The following KCNJ15 variants were observed in gnomAD, a reference collection of about 807,000 sequenced individuals.
The protein encoded by KCNJ15 is ATP-sensitive inward rectifier potassium channel 15.
In KCNJ15, 14 loss-of-function variants were observed where a neutral mutation model predicts 23.0. The ratio of observed to expected loss-of-function variants is 0.61; its 90% CI spans 0.40 to 0.95. The LOEUF (loss-of-function observed/expected upper bound fraction) is 0.95, where lower values mean the gene tolerates loss of function less well. KCNJ15 is among the 40% of genes least tolerant of loss of function. The pLI is 0.00. For synonymous variants in KCNJ15, 185 were observed against 183.2 expected (o/e 1.01, Z -0.08); for missense variants, 388 against 461.8 (o/e 0.84, Z 1.46).
At chr21:38,281,887 A>G (rs1422689654) in intron 1 of KCNJ15, among the ~76,000 whole-genome samples, 1 of 152,168 alleles carries the variant, frequency 6.6e-6, no homozygotes, top group Non-Finnish European at 1.5e-5. Flanking sequence ...ATTTCCATCA[A>G]TAGTGTAGAA....
intron 1 of KCNJ15, among the ~76,000 whole-genome samples, chr21:38,239,797 A>C (rs1234754352): frequency 6.6e-6 from 1 of 152,252 alleles, no homozygotes; most frequent in Non-Finnish European, 1.5e-5. Context: ...AGTAAAGTAG[A>C]AAACATTTAT....
chr21:38,242,391 C>T (rs1027029709), intron 1 of KCNJ15, among the ~76,000 whole-genome samples: 14 of 152,116 alleles, frequency 9.2e-5, no homozygotes, highest in African/African-American at 1.7e-4. Flanking sequence ...AGATTGCACA[C>T]GGGGCTATAT....
At chr21:38,268,594 T>C (rs1981739817) in intron 1 of KCNJ15, among the ~76,000 whole-genome samples, 1 of 89,660 alleles carries the variant, frequency 1.1e-5, no homozygotes, top group African/African-American at 4.0e-5. Flanking sequence ...GGGAGGAGAG[T>C]GAGAAAAAGC....
upstream of KCNJ15, among the ~76,000 whole-genome samples, chr21:38,254,785 C>T (rs934058767): frequency 6.6e-5 from 10 of 152,142 alleles, no homozygotes; most frequent in African/African-American, 2.2e-4. Flanking sequence ...ATCATGCCTA[C>T]ATTTTGATCT....
At chr21:38,271,181 C>T (rs775684990) in intron 1 of KCNJ15, among the ~76,000 whole-genome samples, 47 of 152,324 alleles carry the variant, frequency 3.1e-4, no homozygotes, top group East Asian at 5.8e-4. Context: ...GAGTCTAGTC[C>T]GTCTCTCTGT....
Position 38,306,126 on chromosome 21 carries a change from A to G in KCNJ15, c.*5737A>G, listed in dbSNP as rs2050844658. ...TGCAGAATTAGGCTGATGGTTTTACAAAAGAGTCCTCCTAAAAGTCCATCA... is the reference window on the plus strand; with the variant it reads ...TGCAGAATTAGGCTGATGGTTTTACGAAAGAGTCCTCCTAAAAGTCCATCA... On this transcript the variant is annotated 3_prime_UTR_variant, in exon 3 of 3. Coordinates refer to ENST00000398938, the MANE Select transcript of KCNJ15 (RefSeq NM_170736.3). 1 of 152,236 alleles carries G rather than the reference A, an allele frequency of 6.6e-6. No homozygotes were observed. Among genetic ancestry groups the G allele is most frequent in the African/African-American group, 2.4e-5 (1 of 41,470 alleles). 9.4% of individuals were successfully genotyped at this position (152,236 alleles called of 1,614,324 possible). A position where few individuals can be genotyped will look rare whatever the true frequency, so the allele number is the denominator to read the frequency against.
intron 1 of KCNJ15, chr21:38,272,546 C>T (rs538012042): frequency 6.6e-6 from 1 of 152,358 alleles, no homozygotes; most frequent in East Asian, 1.9e-4. Flanking sequence ...GGCCCCAGCA[C>T]CTGGACTCAA....
chr21:38,231,780 A>G (rs1209523785), intron 1 of KCNJ15, among the ~76,000 whole-genome samples: 1 of 151,162 alleles, frequency 6.6e-6, no homozygotes, highest in Non-Finnish European at 1.5e-5. Context: ...GGTTTTTTGG[A>G]TGTTAGACCA....
At chr21:38,238,693 A>G in intron 1 of KCNJ15, 1 of 462,852 alleles carries the variant, frequency 2.2e-6, no homozygotes, top group Non-Finnish European at 4.1e-6. Context: ...AAACTCTAGG[A>G]GGAATGTCCT....
intron 1 of KCNJ15, among the ~76,000 whole-genome samples, chr21:38,244,591 G>A (rs948065721): frequency 6.6e-6 from 1 of 152,150 alleles, no homozygotes; most frequent in Non-Finnish European, 1.5e-5. Context: ...GTGCCTGACA[G>A]GAGAGGACAC....
Position 38,299,423 on chromosome 21 carries a change from G to A in KCNJ15, c.162G>A (p.Leu54=), listed in dbSNP as rs75665360. The change falls in exon 3 of 3, where the codon CTG becomes CTA. Residue 54 remains leucine, a synonymous_variant. Coordinates refer to ENST00000398938, the MANE Select transcript of KCNJ15 (RefSeq NM_170736.3). The surrounding 1 kb of genome is among the most constrained non-coding windows in gnomAD (Gnocchi z 4.5). ...TATACCTACTCTACCTGCAAGACCT[G>A]TGGACCACAGTTATCGACATGAAGT... ...DGIYLLYLQD[L]WTTVIDMKWR... is the part of the protein sequence containing the mutation. The A allele has an allele frequency of 1.7e-5, 27 of 1,614,190 alleles. No individual in the cohort carries two copies. In the East Asian group the frequency reaches 6.0e-4, roughly 36 times the overall value.
chr21:38,241,790 A>T (rs937422259), intron 1 of KCNJ15, among the ~76,000 whole-genome samples: 1 of 151,910 alleles, frequency 6.6e-6, no homozygotes, highest in Non-Finnish European at 1.5e-5. Context: ...AACATGGTGA[A>T]ACCCCGTCTC....
upstream of KCNJ15, chr21:38,256,720 G>T (rs1440912946): frequency 6.6e-6 from 1 of 152,130 alleles, no homozygotes; most frequent in Non-Finnish European, 1.5e-5. Flanking sequence ...TCTTTAAAAA[G>T]GCATCAGTTT....
intron 1 of KCNJ15, among the ~76,000 whole-genome samples, chr21:38,262,020 CAAT>C (rs1232117858): frequency 6.6e-6 from 1 of 152,198 alleles, no homozygotes; most frequent in African/African-American, 2.4e-5. Context: ...TGTTCTCACT[CAAT>C]GATGTTTACA....
At chr21:38,252,209 A>C (rs1979884704), upstream of KCNJ15, among the ~76,000 whole-genome samples, 1 of 152,096 alleles carries the variant, frequency 6.6e-6, no homozygotes, top group African/African-American at 2.4e-5. Context: ...AATAATCTTT[A>C]ATTATTTGCT....
At chr21:38,238,814 G>A (rs779401193) in intron 1 of KCNJ15, 6 of 262,314 alleles carry the variant, frequency 2.3e-5, no homozygotes, top group South Asian at 5.9e-5. Context: ...TGTCCAGAGC[G>A]TGGTGTAGAA....
At chr21:38,233,133 G>A (rs948498583) in intron 1 of KCNJ15, among the ~76,000 whole-genome samples, 3 of 151,924 alleles carry the variant, frequency 2.0e-5, no homozygotes, top group Non-Finnish European at 4.4e-5. Flanking sequence ...GGACACTGTT[G>A]TTAGGTATTT....
intron 1 of KCNJ15, among the ~76,000 whole-genome samples, chr21:38,288,648 G>A (rs775398720): frequency 1.3e-5 from 2 of 152,162 alleles, no homozygotes; most frequent in African/African-American, 4.8e-5. Flanking sequence ...TAAATGTGAG[G>A]CAAAGAAAGA....
intron 1 of KCNJ15, among the ~76,000 whole-genome samples, chr21:38,260,077 C>A (rs1263753270): frequency 6.6e-6 from 1 of 152,136 alleles, no homozygotes; most frequent in African/African-American, 2.4e-5. Context: ...CAACTTCTTT[C>A]TTGGATCCTT....
Sources: allele counts gnomAD v4.1 joint callset (sites outside exome capture counted in the v4.1 genomes callset), GRCh38; gene constraint gnomAD v4.1.1; non-coding constraint Gnocchi (gnomAD v3.1); transcripts MANE v1.5; gene names NCBI Gene and HGNC (gene_info 2026-07-23, HGNC 2026-07-21).